The following AUTS2 variants were observed in gnomAD, a reference collection of about 807,000 sequenced individuals.
AUTS2 encodes the protein autism susceptibility gene 2 protein.
Under a neutral mutation model 112.4 loss-of-function variants are expected in AUTS2, and 17 were observed. That is an observed-to-expected ratio of 0.15 (90% confidence interval 0.10 to 0.23). The LOEUF is 0.23. Among genes scored for constraint, AUTS2 ranks in the 10% least tolerant of loss-of-function variants. The pLI is 1.00. For missense variants in AUTS2, 1,510 were observed against 1,701.6 expected (o/e 0.89, Z 1.98); for synonymous variants, 751 against 702.7 (o/e 1.07, Z -1.09).
rs10611601 is a variant in AUTS2 at position 70,579,244 on chromosome 7, T to TAAA, written c.691-119309_691-119307dup. Among the ~76,000 whole-genome samples the TAAA allele has an allele frequency of 6.1e-4, 34 of 55,900 alleles. 4 individuals carry two copies. The highest frequency in any genetic ancestry group is 4.6e-3 in the South Asian group (3 of 650). The allele number at this position is 55,900 out of a possible 152,430, so 36.7% of individuals were successfully genotyped here. On this transcript the variant is annotated intron_variant, in intron 5 of 18. Coordinates refer to ENST00000342771, the MANE Select transcript of AUTS2 (RefSeq NM_015570.4). ...ATGCCCAGCCTTATATTCTCTTTTC[T>TAAA]AAAAAAAAAAAAAAAAAAGATGAAG...
At chr7:69,695,315 C>A (rs1209600422) in intron 1 of AUTS2, among the ~76,000 whole-genome samples, 1 of 151,456 alleles carries the variant, frequency 6.6e-6, no homozygotes, top group African/African-American at 2.4e-5. Context: ...AGCAACAGAT[C>A]AAGACTCTTG....
chr7:70,397,046 C>A (rs1009796037), intron 4 of AUTS2, among the ~76,000 whole-genome samples: 4 of 151,194 alleles, frequency 2.6e-5, no homozygotes, highest in African/African-American at 9.7e-5. Context: ...TATGTCTTTT[C>A]ATTTTAGCCA....
intron 4 of AUTS2, among the ~76,000 whole-genome samples, chr7:70,225,177 C>G (rs554078532): frequency 1.3e-5 from 2 of 152,154 alleles, no homozygotes; most frequent in African/African-American, 4.8e-5. Flanking sequence ...GGTTACATGA[C>G]AAAACAAGTT....
At chr7:70,072,893 A>G (rs997451374) in intron 2 of AUTS2, among the ~76,000 whole-genome samples, 2 of 152,188 alleles carry the variant, frequency 1.3e-5, no homozygotes, top group African/African-American at 4.8e-5. Flanking sequence ...AGTGATTTAA[A>G]TGTTAGAGTT....
intron 4 of AUTS2, among the ~76,000 whole-genome samples, chr7:70,193,225 AGCCTTT>A: frequency 6.6e-6 from 1 of 152,292 alleles, no homozygotes; most frequent in African/African-American, 2.4e-5. Context: ...CACAACTCTG[AGCCTTT>A]CTTGGTAGTG....
intron 1 of AUTS2, among the ~76,000 whole-genome samples, chr7:69,780,287 G>A (rs1789091219): frequency 1.3e-5 from 2 of 152,268 alleles, no homozygotes; most frequent in African/African-American, 2.4e-5. Flanking sequence ...ATAAGCCTGT[G>A]TTTTATTTCT....
chr7:70,516,920 G>GA (rs1360635337), intron 5 of AUTS2, among the ~76,000 whole-genome samples: 40 of 150,538 alleles, frequency 2.7e-4, no homozygotes, highest in Middle Eastern at 3.4e-3. Flanking sequence ...TGGTTACAAT[G>GA]AAAAAAAAAT....
At chr7:69,792,203 T>C (rs1478089512) in intron 1 of AUTS2, among the ~76,000 whole-genome samples, 1 of 152,044 alleles carries the variant, frequency 6.6e-6, no homozygotes, top group Non-Finnish European at 1.5e-5. Flanking sequence ...TTCTTGATTA[T>C]CTACTATAGG....
At chr7:70,028,994 T>A (rs1179702327) in intron 2 of AUTS2, among the ~76,000 whole-genome samples, 1 of 152,128 alleles carries the variant, frequency 6.6e-6, no homozygotes, top group Non-Finnish European at 1.5e-5. Flanking sequence ...AGGCTCCCTC[T>A]CTTGGGTACT....
chr7:70,712,978 T>TG (rs765890246), intron 6 of AUTS2, among the ~76,000 whole-genome samples: 27 of 152,182 alleles, frequency 1.8e-4, no homozygotes, highest in Non-Finnish European at 1.5e-4. Context: ...CACCTACCAT[T>TG]TCCAATCCTT....
At chr7:70,288,955 T>TA (rs1280016936) in intron 4 of AUTS2, among the ~76,000 whole-genome samples, 2 of 152,196 alleles carry the variant, frequency 1.3e-5, no homozygotes, top group Admixed American at 1.3e-4. Flanking sequence ...GCATACCTTT[T>TA]AATCTACCCA....
intron 5 of AUTS2, among the ~76,000 whole-genome samples, chr7:70,630,546 TTCTC>T (rs1202407628): frequency 6.6e-6 from 1 of 152,116 alleles, no homozygotes; most frequent in African/African-American, 2.4e-5. Context: ...CTGGTTTTCT[TTCTC>T]TCTCTTTCCT....
intron 4 of AUTS2, among the ~76,000 whole-genome samples, chr7:70,249,580 A>G (rs1386352907): frequency 2.6e-5 from 4 of 152,130 alleles, no homozygotes; most frequent in African/African-American, 7.2e-5. Flanking sequence ...TGGTCTGCAG[A>G]ACACTCTTTG....
At chr7:70,053,659 C>A (rs970218713) in intron 2 of AUTS2, among the ~76,000 whole-genome samples, 2 of 151,620 alleles carry the variant, frequency 1.3e-5, no homozygotes, top group African/African-American at 4.9e-5. Context: ...TCCACCTCAT[C>A]CTCTTGAACA....
intron 5 of AUTS2, among the ~76,000 whole-genome samples, chr7:70,562,253 C>T (rs990786064): frequency 1.3e-5 from 2 of 152,200 alleles, no homozygotes; most frequent in African/African-American, 4.8e-5. Flanking sequence ...GTGCCACAAA[C>T]CAGTCACTAG....
intron 1 of AUTS2, among the ~76,000 whole-genome samples, chr7:69,735,342 G>C (rs982902436): frequency 6.6e-6 from 1 of 152,180 alleles, no homozygotes; most frequent in Non-Finnish European, 1.5e-5. Flanking sequence ...CAGTTGCAGA[G>C]TTATCCTATG....
At chr7:70,182,614 A>G (rs1006639980) in intron 4 of AUTS2, among the ~76,000 whole-genome samples, 20 of 152,194 alleles carry the variant, frequency 1.3e-4, no homozygotes, top group Non-Finnish European at 2.8e-4. Context: ...AGGAGGGAGT[A>G]GAAATAGAGT....
chr7:69,599,872 G>A lies in AUTS2; in HGVS notation c.219G>A (p.Pro73=). 1 of 1,611,846 alleles carries A rather than the reference G, an allele frequency of 6.2e-7. No homozygotes were observed. The change falls in exon 1 of 19, where the codon CCG becomes CCA. Residue 73 remains proline (P), a synonymous_variant. Transcript: ENST00000342771. This position sits in a 1 kb window ranked among gnomAD's most constrained non-coding sequence, Gnocchi z 7.0. ...PSSAPSRPRP[P]RRKRRESTSA... ...CCGCCCCGTCCCGGCCCAGACCCCC[G>A]CGGAGGAAGCGGAGAGAGTCCACCT...
intron 2 of AUTS2, among the ~76,000 whole-genome samples, chr7:69,963,106 A>G (rs1797496267): frequency 6.6e-6 from 1 of 152,132 alleles, no homozygotes; most frequent in Admixed American, 6.6e-5. Context: ...AAAACAAAAC[A>G]AAAAAGGTGG....
Sources: allele counts gnomAD v4.1 joint callset (sites outside exome capture counted in the v4.1 genomes callset), GRCh38; gene constraint gnomAD v4.1.1; non-coding constraint Gnocchi (gnomAD v3.1); transcripts MANE v1.5; gene names NCBI Gene and HGNC (gene_info 2026-07-23, HGNC 2026-07-21).